Variants in ABCD3 observed in about 807,000 individuals in gnomAD.
ABCD3 encodes ATP-binding cassette sub-family D member 3.
A neutral mutation model predicts 105.5 loss-of-function variants in ABCD3; 41 were observed. That is an observed-to-expected ratio of 0.39 (90% confidence interval 0.30 to 0.50). The LOEUF (loss-of-function observed/expected upper bound fraction) is 0.50. ABCD3 is among the 20% of genes least tolerant of loss of function. The pLI, the probability that ABCD3 is intolerant of heterozygous loss-of-function variation, is 0.84. For missense variants in ABCD3, 622 were observed against 806.3 expected (o/e 0.77, Z 2.77); for synonymous variants, 258 against 269.0 (o/e 0.96, Z 0.40).
chr1:94,437,194 A>G (rs1181211668), intron 1 of ABCD3, among the ~76,000 whole-genome samples: 1 of 152,252 alleles, frequency 6.6e-6, no homozygotes, highest in Non-Finnish European at 1.5e-5. Flanking sequence ...AAGGTGGACT[A>G]TACTAAACTA....
intron 1 of ABCD3, among the ~76,000 whole-genome samples, chr1:94,450,589 T>G (rs1389517085): frequency 6.6e-6 from 1 of 152,232 alleles, no homozygotes; most frequent in Non-Finnish European, 1.5e-5. Context: ...AAGAAATGCT[T>G]TTAGTTAATC....
intron 21 of ABCD3, among the ~76,000 whole-genome samples, chr1:94,511,382 C>T (rs1319835420): frequency 3.9e-5 from 6 of 152,044 alleles, no homozygotes; most frequent in Non-Finnish European, 5.9e-5. Flanking sequence ...AATCGGCTTC[C>T]CTTTGTGGGT....
At chr1:94,409,676 G>C in the ABCD3 span, among the ~76,000 whole-genome samples, 1 of 152,112 alleles carries the variant, frequency 6.6e-6, no homozygotes, top group Non-Finnish European at 1.5e-5. Context: ...GAACTTTCTG[G>C]CATCATTGTG....
At chr1:94,464,420 C>T (rs1361625630) in intron 2 of ABCD3, among the ~76,000 whole-genome samples, 3 of 151,932 alleles carry the variant, frequency 2.0e-5, no homozygotes, top group Non-Finnish European at 4.4e-5. Context: ...ACCTCGTCCT[C>T]TGTGATGGTA....
intron 16 of ABCD3, among the ~76,000 whole-genome samples, chr1:94,492,514 A>T (rs1442554306): frequency 2.6e-5 from 4 of 152,206 alleles, no homozygotes; most frequent in Non-Finnish European, 5.9e-5. Context: ...CAAGAAGTAC[A>T]GAAAATGTAA....
At chr1:94,464,023 T>C (rs1422149195) in intron 2 of ABCD3, among the ~76,000 whole-genome samples, 1 of 152,248 alleles carries the variant, frequency 6.6e-6, no homozygotes, top group Admixed American at 6.5e-5. Context: ...CATGGCTTTT[T>C]TTTATTTATG....
intron 21 of ABCD3, among the ~76,000 whole-genome samples, chr1:94,509,108 T>C (rs1650516489): frequency 6.6e-6 from 1 of 152,194 alleles, no homozygotes. Context: ...TTCAGTATGA[T>C]ATTGGCTGTG....
chr1:94,483,790 A>G (rs1649148268), intron 10 of ABCD3, among the ~76,000 whole-genome samples: 1 of 152,162 alleles, frequency 6.6e-6, no homozygotes, highest in Non-Finnish European at 1.5e-5. Flanking sequence ...AAAATTGACA[A>G]ATGGGATCTA....
intron 9 of ABCD3, chr1:94,481,428 TAAG>T (rs1293642841): frequency 6.6e-6 from 1 of 152,232 alleles, no homozygotes; most frequent in African/African-American, 2.4e-5. Flanking sequence ...GGAATAGAGT[TAAG>T]AGGTGATTTG....
At chr1:94,488,493 A>AT (rs1649376056) in intron 13 of ABCD3, among the ~76,000 whole-genome samples, 1 of 152,158 alleles carries the variant, frequency 6.6e-6, no homozygotes, top group Non-Finnish European at 1.5e-5. Flanking sequence ...GTAGAATGAA[A>AT]TTAAATATTA....
At chr1:94,396,795 G>T in the ABCD3 span, among the ~76,000 whole-genome samples, 3 of 152,244 alleles carry the variant, frequency 2.0e-5, no homozygotes, top group Non-Finnish European at 2.9e-5. Context: ...GAATGAAATG[G>T]TTCCCTGGCC....
At chr1:94,423,518 C>T (rs944434117) in intron 1 of ABCD3, among the ~76,000 whole-genome samples, 1 of 152,152 alleles carries the variant, frequency 6.6e-6, no homozygotes, top group Non-Finnish European at 1.5e-5. Context: ...TTAGAAGGTA[C>T]TTACATCTTG....
the ABCD3 span, among the ~76,000 whole-genome samples, chr1:94,396,068 G>A: frequency 6.6e-6 from 1 of 152,258 alleles, no homozygotes; most frequent in African/African-American, 2.4e-5. Context: ...CATTATTTCT[G>A]CCTATCCTTT....
intron 1 of ABCD3, among the ~76,000 whole-genome samples, chr1:94,435,244 C>G (rs1659853850): frequency 6.6e-6 from 1 of 152,018 alleles, no homozygotes; most frequent in Non-Finnish European, 1.5e-5. Context: ...TATTCACCAT[C>G]AGGAGATATA....
chr1:94,509,720 T>G (rs545568926), intron 21 of ABCD3, among the ~76,000 whole-genome samples: 8 of 152,034 alleles, frequency 5.3e-5, no homozygotes, highest in East Asian at 1.9e-4. Context: ...GTCTTGGGAG[T>G]GTGTATGTGT....
chr1:94,401,720 C>G, the ABCD3 span, among the ~76,000 whole-genome samples: 6 of 152,156 alleles, frequency 3.9e-5, no homozygotes, highest in Non-Finnish European at 8.8e-5. Flanking sequence ...GTAGATGCAA[C>G]TCTATCAATC....
At chr1:94,483,872 G>A (rs1172437211) in intron 10 of ABCD3, among the ~76,000 whole-genome samples, 3 of 152,064 alleles carry the variant, frequency 2.0e-5, no homozygotes, top group Non-Finnish European at 4.4e-5. Flanking sequence ...CAGAATGGGA[G>A]AAATTTTTTG....
chr1:94,386,078 T>G, the ABCD3 span, among the ~76,000 whole-genome samples: 2 of 145,318 alleles, frequency 1.4e-5, no homozygotes, highest in African/African-American at 5.3e-5. Context: ...TTTCTTTCTC[T>G]CAATATGTTT....
chr1:94,477,227 CAAAAAAAAA>C (rs561060182), intron 7 of ABCD3, among the ~76,000 whole-genome samples: 46 of 44,312 alleles, frequency 1.0e-3, no homozygotes, highest in African/African-American at 1.8e-3. Context: ...ACTTATAAGG[CAAAAAAAAA>C]AAAAAAAAAA....
Sources: gnomAD v4.1 joint callset for allele counts (sites outside exome capture counted in the v4.1 genomes callset) on GRCh38, gnomAD v4.1.1 for gene constraint, MANE v1.5 for transcripts, NCBI Gene and HGNC (gene_info 2026-07-23, HGNC 2026-07-21) for gene names.